RBM6: variants seen among roughly 807,000 people sequenced by gnomAD.
The protein encoded by RBM6 is RNA-binding protein 6.
A neutral mutation model predicts 140.4 loss-of-function variants in RBM6; 23 were observed. That is an observed-to-expected ratio of 0.16 (90% confidence interval 0.12 to 0.23). RBM6 has a LOEUF of 0.23. RBM6 is among the 10% of genes least tolerant of loss of function. The pLI is 1.00. For synonymous variants in RBM6, 439 were observed against 475.6 expected (o/e 0.92, Z 1.00); for missense variants, 1,139 against 1,386.7 (o/e 0.82, Z 2.84).
intron 19 of RBM6, among the ~76,000 whole-genome samples, chr3:50,072,072 A>T (rs538776969): frequency 7.2e-6 from 1 of 139,292 alleles, no homozygotes; most frequent in African/African-American, 2.7e-5. Flanking sequence ...TGACAGAGCA[A>T]GACTCTGTCT....
At chr3:50,050,197 C>G (rs1054492903) in intron 7 of RBM6, among the ~76,000 whole-genome samples, 2 of 152,062 alleles carry the variant, frequency 1.3e-5, no homozygotes, top group Admixed American at 1.3e-4. Flanking sequence ...CAAAAGGAAA[C>G]CTCTTATCAT....
intron 15 of RBM6, among the ~76,000 whole-genome samples, chr3:50,063,961 G>A (rs1167857296): frequency 6.6e-6 from 1 of 151,770 alleles, no homozygotes; most frequent in Non-Finnish European, 1.5e-5. Context: ...AGACGGAGCC[G>A]CTCTGTCGCC....
intron 1 of RBM6, among the ~76,000 whole-genome samples, chr3:49,948,401 G>T (rs2108576161): frequency 6.6e-6 from 1 of 152,138 alleles, no homozygotes. Context: ...GTGTGTGCCT[G>T]TAATTCCAGC....
intron 6 of RBM6, among the ~76,000 whole-genome samples, chr3:50,045,200 T>C (rs17050910): frequency 0.033 from 4,998 of 152,304 alleles, 307 homozygotes; most frequent in African/African-American, 0.12. Flanking sequence ...CTGAGAAGTA[T>C]AAAGTGCCTT....
chr3:50,052,145 A>G (rs2089494947), intron 7 of RBM6, among the ~76,000 whole-genome samples: 1 of 152,080 alleles, frequency 6.6e-6, no homozygotes, highest in South Asian at 2.1e-4. Context: ...GCTCACGACA[A>G]CCTCCACCTC....
intron 1 of RBM6, among the ~76,000 whole-genome samples, chr3:49,953,453 C>T (rs1333409354): frequency 6.6e-6 from 1 of 151,264 alleles, no homozygotes; most frequent in African/African-American, 2.4e-5. Flanking sequence ...CTCTTGACCT[C>T]GTGATCTGCC....
At chr3:50,001,162 G>C (rs2086310694) in intron 6 of RBM6, among the ~76,000 whole-genome samples, 1 of 152,058 alleles carries the variant, frequency 6.6e-6, no homozygotes, top group African/African-American at 2.4e-5. Flanking sequence ...CATTAACACT[G>C]CAACAATAAA....
At chr3:49,943,082 C>T (rs2083354575) in intron 1 of RBM6, among the ~76,000 whole-genome samples, 1 of 152,100 alleles carries the variant, frequency 6.6e-6, no homozygotes, top group South Asian at 2.1e-4. Context: ...ATCAGAATTT[C>T]ATTCCTTTTT....
intron 5 of RBM6, among the ~76,000 whole-genome samples, chr3:49,993,380 T>C (rs913200565): frequency 6.6e-6 from 1 of 152,164 alleles, no homozygotes; most frequent in African/African-American, 2.4e-5. Flanking sequence ...GGTGGCTCAC[T>C]CCTATAATCC....
At position 50,062,196 on chromosome 3, in the gene RBM6, G is replaced by A. The variant is rs1046624500; in HGVS notation, c.2586+88G>A. 28 of 1,451,904 alleles carry A rather than the reference G, an allele frequency of 1.9e-5. No homozygotes were observed. In the Admixed American group the frequency reaches 4.4e-4, roughly 23 times the overall value. The allele number at this position is 1,451,904 out of a possible 1,614,324, so 89.9% of individuals were successfully genotyped here. On this transcript the variant is annotated intron_variant, in intron 15 of 20. Transcript: ENST00000266022. ...ACAGAGGATATCTATGTTTGCAAGT[G>A]TAAAGTAACTTTAAAAATACTCTGT... is the stretch of plus-strand genomic sequence containing the variant.
At chr3:49,954,425 G>A (rs1003987608) in intron 1 of RBM6, among the ~76,000 whole-genome samples, 5 of 147,848 alleles carry the variant, frequency 3.4e-5, no homozygotes, top group Admixed American at 6.8e-5. Context: ...GGGCGACAGA[G>A]CGAGACTCCA....
intron 18 of RBM6, 79 bp downstream of exon 18, chr3:50,068,843 C>G (rs889290120): frequency 3.1e-6 from 4 of 1,291,504 alleles, no homozygotes; most frequent in Non-Finnish European, 4.4e-6. Context: ...CTGTGCTGAT[C>G]CCTCCTTATA....
chr3:50,007,538 CT>C (rs111809952), intron 6 of RBM6, among the ~76,000 whole-genome samples: 123 of 139,416 alleles, frequency 8.8e-4, no homozygotes, highest in Non-Finnish European at 7.3e-4. Flanking sequence ...CTTAAATTTT[CT>C]TTTTTTTTTT....
At chr3:50,006,861 G>A (rs977432347) in intron 6 of RBM6, among the ~76,000 whole-genome samples, 4 of 151,302 alleles carry the variant, frequency 2.6e-5, no homozygotes, top group Non-Finnish European at 4.4e-5. Context: ...TGAACTGGGA[G>A]GCGGAGCTTG....
intron 4 of RBM6, among the ~76,000 whole-genome samples, chr3:49,974,339 T>C (rs2084958522): frequency 6.6e-6 from 1 of 151,794 alleles, no homozygotes; most frequent in African/African-American, 2.4e-5. Flanking sequence ...CCCGAGTAGC[T>C]GGGATTATAG....
intron 2 of RBM6, among the ~76,000 whole-genome samples, chr3:49,965,910 G>T (rs111520120): frequency 2.0e-5 from 3 of 152,068 alleles, no homozygotes; most frequent in Non-Finnish European, 4.4e-5. Flanking sequence ...TGGCTCACCT[G>T]AGGTCAAGAG....
intron 8 of RBM6, among the ~76,000 whole-genome samples, chr3:50,056,301 CT>C (rs1020071256): frequency 3.7e-4 from 53 of 144,880 alleles, no homozygotes; most frequent in South Asian, 4.4e-4. Flanking sequence ...TGTTTTTTTT[CT>C]TTTTTTTTTT....
intron 19 of RBM6, among the ~76,000 whole-genome samples, chr3:50,072,520 G>A (rs971194031): frequency 6.6e-6 from 1 of 152,188 alleles, no homozygotes; most frequent in African/African-American, 2.4e-5. Context: ...GGCTGGACAG[G>A]TTTTGGGGCT....
chr3:50,008,854 CTT>C (rs1559580078), intron 6 of RBM6, among the ~76,000 whole-genome samples: 1 of 152,270 alleles, frequency 6.6e-6, no homozygotes, highest in East Asian at 1.9e-4. Flanking sequence ...CCTGGCCTCT[CTT>C]TTGTAACTTC....
Sources: gnomAD v4.1 joint callset for allele counts (sites outside exome capture counted in the v4.1 genomes callset) on GRCh38, gnomAD v4.1.1 for gene constraint, MANE v1.5 for transcripts, NCBI Gene and HGNC (gene_info 2026-07-23, HGNC 2026-07-21) for gene names.